Variants in KIF5B observed in about 807,000 individuals in gnomAD.
KIF5B encodes the protein kinesin-1 heavy chain.
A neutral mutation model predicts 132.8 loss-of-function variants in KIF5B; 49 were observed. The observed-to-expected ratio is 0.37, with a 90% CI of 0.29 to 0.47. The LOEUF is 0.47. KIF5B is among the 20% of genes least tolerant of loss of function. The pLI is 1.00. For missense variants in KIF5B, 780 were observed against 1,144.0 expected (o/e 0.68, Z 4.59); for synonymous variants, 355 against 369.4 (o/e 0.96, Z 0.45).
chr10:32,032,582 A>C, intron 13 of KIF5B, 124 bp downstream of exon 13: 1 of 737,786 alleles, frequency 1.4e-6, no homozygotes, highest in South Asian at 1.6e-5. Flanking sequence ...TCCATGTGAC[A>C]TTCTTATTCC....
intron 1 of KIF5B, among the ~76,000 whole-genome samples, chr10:32,053,979 GT>G (rs1841723599): frequency 6.6e-6 from 1 of 152,062 alleles, no homozygotes; most frequent in African/African-American, 2.4e-5. Flanking sequence ...TTTCTTCATA[GT>G]TCATGTCGTA....
rs1841430584 is a variant in KIF5B at position 32,033,884 on chromosome 10, T to C, written c.1266A>G (p.Glu422=). ...NFTDAERRKC[E]EEIAKLYKQL... ...GTTTGTATAATTTAGCAATTTCTTC[T>C]TCACACTTTCTTCTTTCAGCATCAG... Residue 422 remains glutamate (E), a synonymous_variant, in exon 12 of 26, where the codon GAA becomes GAG. Transcript: ENST00000302418. 3.7e-6 allele frequency: 6 copies of C among 1,613,088 alleles called. No individual in the cohort carries two copies. Among genetic ancestry groups the C allele is most frequent in the Non-Finnish European group, 5.1e-6 (6 of 1,179,726 alleles).
At chr10:32,018,603 C>G in intron 20 of KIF5B, 41 bp from the exon 21 acceptor site, 1 of 1,210,942 alleles carries the variant, frequency 8.3e-7, no homozygotes, top group Non-Finnish European at 1.1e-6. Context: ...AAATTTTATT[C>G]TGTATATTGT....
intron 3 of KIF5B, 148 bp from the exon 4 acceptor site, chr10:32,039,579 C>T: frequency 1.8e-6 from 1 of 555,824 alleles, no homozygotes; most frequent in South Asian, 2.4e-5. Context: ...AAATCCAATT[C>T]AACTATTACA....
chr10:32,051,544 T>G (rs211294), intron 1 of KIF5B, among the ~76,000 whole-genome samples: 15,152 of 152,228 alleles, frequency 0.1, 858 homozygotes, highest in Non-Finnish European at 0.12. Flanking sequence ...CACTACAACC[T>G]TACTAAAATA....
chr10:32,034,115 T>TG, intron 11 of KIF5B, 77 bp from the exon 12 acceptor site: 1 of 894,128 alleles, frequency 1.1e-6, no homozygotes, highest in East Asian at 2.9e-5. Flanking sequence ...TTAAAAATTT[T>TG]TTTTTTTTTT....
At chr10:32,012,203 T>G (rs1361412520) in intron 25 of KIF5B, among the ~76,000 whole-genome samples, 3 of 152,206 alleles carry the variant, frequency 2.0e-5, no homozygotes, top group African/African-American at 7.2e-5. Context: ...CCGGGCACAG[T>G]GGCTCACACC....
chr10:32,024,708 T>C (rs919695417), intron 15 of KIF5B, among the ~76,000 whole-genome samples: 13 of 151,744 alleles, frequency 8.6e-5, no homozygotes, highest in African/African-American at 3.1e-4. Flanking sequence ...GAGCTTGCAG[T>C]GAGCCGAGAT....
At chr10:32,024,708 T>G (rs919695417) in intron 15 of KIF5B, among the ~76,000 whole-genome samples, 3 of 151,746 alleles carry the variant, frequency 2.0e-5, no homozygotes, top group African/African-American at 7.3e-5. Context: ...GAGCTTGCAG[T>G]GAGCCGAGAT....
At chr10:32,029,312 C>A (rs764424552) in intron 14 of KIF5B, among the ~76,000 whole-genome samples, 5 of 152,182 alleles carry the variant, frequency 3.3e-5, no homozygotes, top group Non-Finnish European at 7.4e-5. Context: ...TTTGGACTTG[C>A]CAATTAGAAA....
rs1592433615 is a variant in KIF5B at position 32,011,100 on chromosome 10, A to G, written c.*437T>C. 2 of 152,254 alleles carry G rather than the reference A, an allele frequency of 1.3e-5. No individual in the cohort carries two copies. Among genetic ancestry groups the G allele is most frequent in the East Asian group, 3.8e-4 (2 of 5,204 alleles). 9.4% of individuals were successfully genotyped at this position (152,254 alleles called of 1,614,324 possible). A position where few individuals can be genotyped will look rare whatever the true frequency, so the allele number is the denominator to read the frequency against. ...TTCCATTTTCTCTTAAGAAAAAAAA[A>G]GGAAGACGTTTTAATAGGAAAAGAA... On this transcript the variant is annotated 3_prime_UTR_variant, in exon 26 of 26. Coordinates refer to ENST00000302418, the MANE Select transcript of KIF5B (RefSeq NM_004521.3).
At chr10:32,034,639 C>A (rs1264300294) in intron 11 of KIF5B, 51 bp downstream of exon 11, 1 of 1,367,236 alleles carries the variant, frequency 7.3e-7, no homozygotes. Context: ...CGTTTCTATG[C>A]TCTAAATCTG....
chr10:32,051,916 G>A (rs976149379), intron 1 of KIF5B, among the ~76,000 whole-genome samples: 13 of 152,058 alleles, frequency 8.5e-5, no homozygotes, highest in South Asian at 2.1e-4. Context: ...TTTTAGCCTC[G>A]AAATGTACAT....
At chr10:32,044,654 C>T (rs944947095) in intron 2 of KIF5B, among the ~76,000 whole-genome samples, 3 of 149,554 alleles carry the variant, frequency 2.0e-5, no homozygotes, top group Non-Finnish European at 4.4e-5. Context: ...CCAGCCTGGA[C>T]AACAAGAGCG....
At chr10:32,050,618 G>A (rs1841680971) in intron 1 of KIF5B, among the ~76,000 whole-genome samples, 2 of 152,182 alleles carry the variant, frequency 1.3e-5, no homozygotes. Flanking sequence ...ATTTATTTAA[G>A]CCACTATTAG....
At position 32,048,450 on chromosome 10, in the gene KIF5B, T is replaced by C; in HGVS notation, c.214+14A>G. On this transcript the variant is annotated intron_variant, in intron 2 of 25. Coordinates refer to ENST00000302418, the MANE Select transcript of KIF5B (RefSeq NM_004521.3). ...CTTATTGCTGAGACAACTCAGCAGGTTGAATATATTTACCTTTAACAATCT... is the reference window on the plus strand; with the variant it reads ...CTTATTGCTGAGACAACTCAGCAGGCTGAATATATTTACCTTTAACAATCT... The C allele has an allele frequency of 1.3e-6, 2 of 1,560,880 alleles. No homozygotes were observed. The highest frequency in any genetic ancestry group is 8.8e-7 in the Non-Finnish European group (1 of 1,139,348).
At chr10:32,055,643 C>T (rs1331672466) in intron 1 of KIF5B, among the ~76,000 whole-genome samples, 1 of 152,162 alleles carries the variant, frequency 6.6e-6, no homozygotes, top group Non-Finnish European at 1.5e-5. Context: ...CTCCCGGCGC[C>T]GAAGACTGGG....
Position 32,056,040 on chromosome 10 carries a change from C to T in KIF5B, c.-67G>A, listed in dbSNP as rs1166641094. The stretch of plus-strand genomic sequence containing the variant: ...CCGCTCAGTCTTGCAGGGAACGCGC[C>T]GGACCTGAGGGCTTGTGGTCGCGAG... On this transcript the variant is annotated 5_prime_UTR_variant, in exon 1 of 26. Transcript: ENST00000302418. 2 of 1,580,248 alleles carry T rather than the reference C, an allele frequency of 1.3e-6. No individual in the cohort carries two copies. The highest frequency in any genetic ancestry group is 1.7e-5 in the Admixed American group (1 of 58,258).
At chr10:32,014,615 G>A (rs1053463289) in intron 25 of KIF5B, among the ~76,000 whole-genome samples, 16 of 152,052 alleles carry the variant, frequency 1.1e-4, no homozygotes, top group Admixed American at 4.6e-4. Flanking sequence ...ATTTGTGACT[G>A]TTTTATGCCC....
Sources: allele counts gnomAD v4.1 joint callset (sites outside exome capture counted in the v4.1 genomes callset), GRCh38; gene constraint gnomAD v4.1.1; transcripts MANE v1.5; gene names NCBI Gene and HGNC (gene_info 2026-07-23, HGNC 2026-07-21).